The following JAKMIP3 variants were observed in gnomAD, a reference collection of about 807,000 sequenced individuals.
JAKMIP3 encodes the protein janus kinase and microtubule-interacting protein 3.
JAKMIP3 carries 58 observed loss-of-function variants against 118.5 expected under a neutral mutation model. The ratio of observed to expected loss-of-function variants is 0.49; its 90% confidence interval spans 0.40 to 0.61. JAKMIP3 has a LOEUF of 0.61. Ranked by LOEUF, JAKMIP3 falls within the 20% of genes least tolerant of loss-of-function variation. JAKMIP3 has a pLI of 0.00. For synonymous variants in JAKMIP3, 486 were observed against 451.2 expected, an observed-to-expected ratio of 1.08 and a Z score of -0.98; for missense variants, 950 against 1,109.0, an observed-to-expected ratio of 0.86 and a Z score of 2.04.
At chr10:132,070,946 A>G (rs138698818) in intron 1 of JAKMIP3, among the ~76,000 whole-genome samples, 146 of 152,166 alleles carry the variant, frequency 9.6e-4, no homozygotes, top group Non-Finnish European at 6.5e-4. Context: ...TCTTTTTTCT[A>G]TGTTCTTAAG....
chr10:132,153,789 G>T lies in JAKMIP3; in HGVS notation c.2104G>T (p.Ala702Ser), dbSNP rs1475023357. Residue 702 changes from alanine (A) to serine (S), a missense_variant, in exon 18 of 24, where the codon GCG becomes TCG. Coordinates refer to ENST00000684848, the MANE Select transcript of JAKMIP3 (RefSeq NM_001323087.2). ...CCAGCAGATTGAGGAGACAGAGGCG[G>T]CGCTGCAGCGGAAGATGGTGGATCT... The part of the protein sequence containing the change: ...WLQQIEETEA[A>S]LQRKMVDLES... 1 of 1,613,104 alleles carries T rather than the reference G, an allele frequency of 6.2e-7. No homozygotes were observed. The highest frequency in any genetic ancestry group is 2.2e-5 in the East Asian group (1 of 44,884).
At chr10:132,080,845 C>T (rs1333966464) in intron 1 of JAKMIP3, among the ~76,000 whole-genome samples, 1 of 152,110 alleles carries the variant, frequency 6.6e-6, no homozygotes, top group East Asian at 1.9e-4. Flanking sequence ...TTTATATATC[C>T]TGGACATGAA....
chr10:132,158,308 G>C (rs1478154386), intron 19 of JAKMIP3, among the ~76,000 whole-genome samples: 1 of 152,208 alleles, frequency 6.6e-6, no homozygotes, highest in Non-Finnish European at 1.5e-5. Context: ...AGAGCTCCAG[G>C]AGTGGGGGCC....
At chr10:132,056,822 G>A (rs1363405313) in intron 1 of JAKMIP3, among the ~76,000 whole-genome samples, 1 of 152,156 alleles carries the variant, frequency 6.6e-6, no homozygotes, top group Non-Finnish European at 1.5e-5. Context: ...CTGCAGGAGG[G>A]CTCTCGCCTG....
chr10:132,136,097 A>C (rs773067899), intron 6 of JAKMIP3, 21 bp downstream of exon 6: 2 of 1,611,072 alleles, frequency 1.2e-6, no homozygotes, highest in African/African-American at 2.7e-5. Flanking sequence ...GGGGGGCTCC[A>C]CGGGGCCACG....
chr10:132,079,989 A>T (rs2041509362), intron 1 of JAKMIP3, among the ~76,000 whole-genome samples: 1 of 152,196 alleles, frequency 6.6e-6, no homozygotes, highest in African/African-American at 2.4e-5. Flanking sequence ...AGGTGGACAA[A>T]TGTGTCTTCC....
chr10:132,117,625 GGGC>G lies in JAKMIP3; in HGVS notation c.633+53_633+55del. 1 of 1,090,250 alleles carries G rather than the reference GGGC, an allele frequency of 9.2e-7. No homozygotes were observed. Among genetic ancestry groups the G allele is most frequent in the Non-Finnish European group, 1.3e-6 (1 of 779,766 alleles). 67.5% of individuals were successfully genotyped at this position (1,090,250 alleles called of 1,614,324 possible). A position where few individuals can be genotyped will look rare whatever the true frequency, so the allele number is the denominator to read the frequency against. On this transcript the variant is annotated intron_variant, in intron 3 of 23. Coordinates refer to ENST00000684848, the MANE Select transcript of JAKMIP3 (RefSeq NM_001323087.2). This position sits in a 1 kb window ranked among gnomAD's most constrained non-coding sequence, Gnocchi z 8.6. ...TGGGCGAGGGTGCAGGGGCGGGCGT[GGGC>G]GAGGGTGCAGGGGCGGGCGTGGGCG... is the stretch of plus-strand genomic sequence containing the variant.
At chr10:132,046,032 C>T (rs2037902859) in intron 1 of JAKMIP3, among the ~76,000 whole-genome samples, 1 of 152,140 alleles carries the variant, frequency 6.6e-6, no homozygotes, top group Non-Finnish European at 1.5e-5. Context: ...GATAAATTCA[C>T]ACACCTGTGT....
chr10:132,170,257 G>A (rs2059355291), intron 23 of JAKMIP3: 1 of 152,302 alleles, frequency 6.6e-6, no homozygotes, highest in African/African-American at 2.4e-5. Context: ...CCAGAGGTCG[G>A]GAGCTCCACA....
intron 9 of JAKMIP3, among the ~76,000 whole-genome samples, chr10:132,139,116 A>G (rs376862275): frequency 4.6e-5 from 4 of 87,586 alleles, no homozygotes; most frequent in Admixed American, 1.1e-4. Flanking sequence ...ATGTGTGTGT[A>G]TGCATCTGTG....
At chr10:132,174,003 G>C (rs1295814995) in intron 23 of JAKMIP3, among the ~76,000 whole-genome samples, 1 of 150,580 alleles carries the variant, frequency 6.6e-6, no homozygotes, top group Non-Finnish European at 1.5e-5. Context: ...GTCTGTGGTA[G>C]TGTGTGGTGT....
chr10:132,182,153 C>T (rs186680925), intron 23 of JAKMIP3, among the ~76,000 whole-genome samples: 12 of 152,016 alleles, frequency 7.9e-5, no homozygotes, highest in Admixed American at 2.6e-4. Flanking sequence ...GTGCCAGGTG[C>T]GTCTCCCGGG....
At chr10:132,122,295 C>T (rs1418029891) in intron 3 of JAKMIP3, among the ~76,000 whole-genome samples, 1 of 152,166 alleles carries the variant, frequency 6.6e-6, no homozygotes, top group African/African-American at 2.4e-5. Flanking sequence ...CTGACTGCCC[C>T]CCGGTCGGCT....
At chr10:132,042,184 C>CTCCTTCCTTCTT (rs1554909341) in intron 1 of JAKMIP3, among the ~76,000 whole-genome samples, 81 of 132,094 alleles carry the variant, frequency 6.1e-4, no homozygotes, top group Non-Finnish European at 9.5e-4. Context: ...TGCTCGCTCG[C>CTCCTTCCTTCTT]TCCTTCCTTC....
intron 22 of JAKMIP3, 134 bp downstream of exon 22, chr10:132,167,189 A>C: frequency 1.5e-6 from 1 of 675,938 alleles, no homozygotes; most frequent in South Asian, 1.8e-5. Context: ...CATCCCCAAA[A>C]GGGTTGTTAG....
chr10:132,132,826 T>C (rs1437754913), intron 3 of JAKMIP3, among the ~76,000 whole-genome samples: 3 of 152,184 alleles, frequency 2.0e-5, no homozygotes, highest in Non-Finnish European at 4.4e-5. Flanking sequence ...GCACTGGCTT[T>C]CAGGCCAGAA....
intron 14 of JAKMIP3, 87 bp downstream of exon 14, chr10:132,148,137 C>A (rs2055016558): frequency 1.5e-6 from 1 of 654,204 alleles, no homozygotes; most frequent in Non-Finnish European, 2.6e-6. Context: ...AAGCCCTGAA[C>A]ATGAACATGA....
Position 132,142,490 on chromosome 10 carries a change from G to GCCCCGGCCCCTCTCCCCCGGCCCCTCTC in JAKMIP3, c.1602+464_1602+465insCCTCTCCCCCGGCCCCTCTCCCCCGGCC, listed in dbSNP as rs1554948176. Among the ~76,000 whole-genome samples, 637 of 152,162 alleles carry GCCCCGGCCCCTCTCCCCCGGCCCCTCTC rather than the reference G, an allele frequency of 4.2e-3. 2 individuals carry two copies. The highest frequency in any genetic ancestry group is 0.014 in the African/African-American group (599 of 41,464). On this transcript the variant is annotated intron_variant, in intron 11 of 23. Transcript: ENST00000684848. Reference sequence around the variant, plus strand: ...ACAGGCTGTGCCTGCCCCGGCCCCGGCCCCGGCCCCTCTCCCCCGGCCTCC... The same window carrying GCCCCGGCCCCTCTCCCCCGGCCCCTCTC: ...ACAGGCTGTGCCTGCCCCGGCCCCGGCCCCGGCCCCTCTCCCCCGGCCCCTCTCCCCCGGCCCCTCTCCCCCGGCCTCC...
At chr10:132,180,726 T>TGTGTGC (rs2061158827) in intron 23 of JAKMIP3, among the ~76,000 whole-genome samples, 1 of 21,144 alleles carries the variant, frequency 4.7e-5, no homozygotes, top group African/African-American at 2.5e-4. Context: ...TGTGCGTGTG[T>TGTGTGC]GTGCGTGTGT....
Sources: gnomAD v4.1 joint callset for allele counts (sites outside exome capture counted in the v4.1 genomes callset) on GRCh38, gnomAD v4.1.1 for gene constraint, Gnocchi (gnomAD v3.1) non-coding constraint, MANE v1.5 for transcripts, NCBI Gene and HGNC (gene_info 2026-07-23, HGNC 2026-07-21) for gene names.